Variants in ADGRB3 observed in about 807,000 individuals in gnomAD.
The protein encoded by ADGRB3 is adhesion G protein-coupled receptor B3.
A neutral mutation model predicts 193.4 loss-of-function variants in ADGRB3; 37 were observed. That is an observed-to-expected ratio of 0.19 (90% CI 0.15 to 0.25). ADGRB3 has a LOEUF of 0.25. ADGRB3 is among the 10% of genes least tolerant of loss of function. The probability of loss-of-function intolerance (pLI) is 1.00; values close to 1 mark genes in which losing one functional copy is unlikely to be tolerated. For synonymous variants in ADGRB3, 690 were observed against 644.2 expected (o/e 1.07, Z -1.08); for missense variants, 1,637 against 1,852.9 (o/e 0.88, Z 2.14).
chr6:69,031,365 C>T (rs570526760), intron 13 of ADGRB3, among the ~76,000 whole-genome samples: 23 of 149,450 alleles, frequency 1.5e-4, no homozygotes, highest in East Asian at 1.2e-3. Flanking sequence ...GATGTGAACC[C>T]GGGATGCAGA....
chr6:68,768,406 C>G (rs1766553165), intron 3 of ADGRB3, among the ~76,000 whole-genome samples: 1 of 152,182 alleles, frequency 6.6e-6, no homozygotes, highest in Non-Finnish European at 1.5e-5. Flanking sequence ...ACCATCTGAT[C>G]TTTGACAAAC....
intron 17 of ADGRB3, among the ~76,000 whole-genome samples, chr6:69,086,378 A>T (rs1045565484): frequency 1.3e-5 from 2 of 152,126 alleles, no homozygotes; most frequent in Non-Finnish European, 2.9e-5. Context: ...AGAACTGGGC[A>T]TTGGCAAGAA....
At chr6:68,851,992 A>T (rs1768412419) in intron 3 of ADGRB3, among the ~76,000 whole-genome samples, 2 of 151,630 alleles carry the variant, frequency 1.3e-5, no homozygotes, top group African/African-American at 2.4e-5. Flanking sequence ...AAAGACACAA[A>T]AAAAGTTTTA....
intron 13 of ADGRB3, among the ~76,000 whole-genome samples, chr6:69,020,853 G>C (rs1393689544): frequency 6.6e-6 from 1 of 152,050 alleles, no homozygotes; most frequent in Non-Finnish European, 1.5e-5. Flanking sequence ...TTTCCAAATT[G>C]TATACACTAG....
At chr6:69,346,683 C>A (rs1317563200) in intron 26 of ADGRB3, among the ~76,000 whole-genome samples, 1 of 152,130 alleles carries the variant, frequency 6.6e-6, no homozygotes, top group Non-Finnish European at 1.5e-5. Context: ...GAATGGTGAT[C>A]ATTAAAAAGT....
At chr6:69,225,296 A>C (rs1765985738) in intron 17 of ADGRB3, among the ~76,000 whole-genome samples, 1 of 152,056 alleles carries the variant, frequency 6.6e-6, no homozygotes, top group South Asian at 2.1e-4. Flanking sequence ...TGACCATCTC[A>C]AGCTTCATAT....
chr6:68,682,167 T>C (rs1299819892), intron 3 of ADGRB3, among the ~76,000 whole-genome samples: 1 of 152,206 alleles, frequency 6.6e-6, no homozygotes, highest in Non-Finnish European at 1.5e-5. Context: ...GGGTCAGATA[T>C]ACCCTCACTG....
At chr6:69,271,347 C>T (rs1459130087) in intron 20 of ADGRB3, among the ~76,000 whole-genome samples, 1 of 152,052 alleles carries the variant, frequency 6.6e-6, no homozygotes, top group African/African-American at 2.4e-5. Context: ...TACATTATTA[C>T]ATTCAATAAA....
intron 3 of ADGRB3, among the ~76,000 whole-genome samples, chr6:68,810,322 C>G (rs988639286): frequency 1.3e-5 from 2 of 152,292 alleles, no homozygotes; most frequent in East Asian, 3.9e-4. Flanking sequence ...ACAATCACCA[C>G]CAACCCCAAC....
At chr6:68,890,907 G>A (rs1258056876) in intron 3 of ADGRB3, among the ~76,000 whole-genome samples, 1 of 152,202 alleles carries the variant, frequency 6.6e-6, no homozygotes, top group African/African-American at 2.4e-5. Flanking sequence ...CTAACTTGAG[G>A]ATGGAAATGC....
chr6:68,798,044 A>G (rs1306923680), intron 3 of ADGRB3, among the ~76,000 whole-genome samples: 2 of 152,150 alleles, frequency 1.3e-5, no homozygotes, highest in African/African-American at 4.8e-5. Flanking sequence ...TTCTAATTTG[A>G]AGGAATTCAT....
At chr6:69,383,900 C>A (rs186174540) in intron 31 of ADGRB3, among the ~76,000 whole-genome samples, 6 of 152,014 alleles carry the variant, frequency 3.9e-5, no homozygotes, top group Admixed American at 2.6e-4. Flanking sequence ...GGTCCTTCTT[C>A]TTTTCCAGAC....
intron 20 of ADGRB3, among the ~76,000 whole-genome samples, chr6:69,296,917 C>T (rs545641287): frequency 2.0e-5 from 3 of 152,190 alleles, no homozygotes; most frequent in African/African-American, 7.2e-5. Context: ...TAGGAGGAAA[C>T]TTGCTACTGC....
chr6:68,879,575 T>G (rs886317229), intron 3 of ADGRB3, among the ~76,000 whole-genome samples: 1 of 149,706 alleles, frequency 6.7e-6, no homozygotes, highest in Admixed American at 6.6e-5. Flanking sequence ...CCCCAACTGG[T>G]AGCAAAAAAG....
chr6:68,953,357 T>C (rs1767984516), intron 6 of ADGRB3, among the ~76,000 whole-genome samples: 1 of 152,214 alleles, frequency 6.6e-6, no homozygotes, highest in African/African-American at 2.4e-5. Flanking sequence ...GCTTTCTTTC[T>C]GAATGTTCTC....
At chr6:69,050,081 C>T (rs184470183) in intron 15 of ADGRB3, among the ~76,000 whole-genome samples, 23 of 152,250 alleles carry the variant, frequency 1.5e-4, no homozygotes, top group Non-Finnish European at 2.2e-4. Flanking sequence ...TAGTTAAATA[C>T]GATCACAGTT....
At chr6:68,857,981 C>T (rs546184935) in intron 3 of ADGRB3, among the ~76,000 whole-genome samples, 1 of 152,278 alleles carries the variant, frequency 6.6e-6, no homozygotes, top group African/African-American at 2.4e-5. Context: ...CCTGCAAAAG[C>T]TCTCTGCCTC....
At chr6:69,240,841 ACT>A (rs1766368648) in intron 20 of ADGRB3, among the ~76,000 whole-genome samples, 1 of 151,966 alleles carries the variant, frequency 6.6e-6, no homozygotes, top group Admixed American at 6.6e-5. Flanking sequence ...CAATTTTTTA[ACT>A]ACTTGTCCTT....
chr6:69,043,334 G>GGAAGGAAGAAAGAAAGAAAGAA (rs1208856464), intron 13 of ADGRB3, among the ~76,000 whole-genome samples: 2 of 110,048 alleles, frequency 1.8e-5, no homozygotes, highest in Admixed American at 9.8e-5. Context: ...GAAAGAAAGA[G>GGAAGGAAGAAAGAAAGAAAGAA]AAAGAAAAGA....
Sources: gnomAD v4.1 joint callset for allele counts (sites outside exome capture counted in the v4.1 genomes callset) on GRCh38, gnomAD v4.1.1 for gene constraint, MANE v1.5 for transcripts, NCBI Gene and HGNC (gene_info 2026-07-23, HGNC 2026-07-21) for gene names.